The following MAPK8 variants were observed in gnomAD, a reference collection of about 807,000 sequenced individuals.
The protein encoded by MAPK8 is JUN N-terminal kinase.
A neutral mutation model predicts 52.9 loss-of-function variants in MAPK8; 13 were observed. That is an observed-to-expected ratio of 0.25 (90% confidence interval 0.16 to 0.39). The LOEUF (loss-of-function observed/expected upper bound fraction) is 0.39. Ranked by LOEUF, MAPK8 falls within the 10% of genes least tolerant of loss-of-function variation. The pLI is 1.00. For missense variants in MAPK8, 300 were observed against 519.2 expected, an observed-to-expected ratio of 0.58 and a Z score of 4.10; for synonymous variants, 191 against 169.8, an observed-to-expected ratio of 1.12 and a Z score of -0.97.
At chr10:48,358,115 C>T (rs1177593619) in intron 1 of MAPK8, among the ~76,000 whole-genome samples, 1 of 152,200 alleles carries the variant, frequency 6.6e-6, no homozygotes, top group East Asian at 1.9e-4. Context: ...AATAGTGCTG[C>T]TATGAACATG....
chr10:48,402,438 C>T (rs1021758383), intron 2 of MAPK8, among the ~76,000 whole-genome samples: 6 of 152,178 alleles, frequency 3.9e-5, no homozygotes, highest in Non-Finnish European at 7.3e-5. Context: ...TAATATCTCA[C>T]TGTGTGTGTT....
At chr10:48,417,421 T>C (rs540572470) in intron 5 of MAPK8, among the ~76,000 whole-genome samples, 4 of 152,258 alleles carry the variant, frequency 2.6e-5, no homozygotes, top group African/African-American at 9.6e-5. Context: ...CCTGAAAGGG[T>C]TTCATAATTA....
rs923041095 is a variant in MAPK8 at position 48,435,230 on chromosome 10, CTG to C, written c.*203_*204del. On this transcript the variant is annotated 3_prime_UTR_variant, in exon 12 of 12. Coordinates refer to ENST00000374189, the MANE Select transcript of MAPK8 (RefSeq NM_001323329.2). ...GTTGTGTTTCAAAACAGCAACAAAACTGTATTGTATTTTTTTTGCTGTAATTA... is the reference window on the plus strand; with the variant it reads ...GTTGTGTTTCAAAACAGCAACAAAACTATTGTATTTTTTTTGCTGTAATTA... 1.1e-5 allele frequency: 5 copies of C among 450,406 alleles called. No individual in the cohort carries two copies. The highest frequency in any genetic ancestry group is 4.0e-5 in the African/African-American group (2 of 49,692). 27.9% of individuals were successfully genotyped at this position (450,406 alleles called of 1,614,324 possible).
chr10:48,431,769 T>G (rs374816989), intron 11 of MAPK8, among the ~76,000 whole-genome samples: 3 of 152,132 alleles, frequency 2.0e-5, no homozygotes, highest in Admixed American at 1.3e-4. Flanking sequence ...GAGTTAAAAC[T>G]TTTTTTTATC....
rs540314806 is a variant in MAPK8 at position 48,377,133 on chromosome 10, G to A, written c.-49-24479G>A. Among the ~76,000 whole-genome samples the A allele has an allele frequency of 4.6e-5, 7 of 152,186 alleles. No homozygotes were observed. The South Asian group carries it at 6.2e-4, about 14-fold the overall frequency. On this transcript the variant is annotated intron_variant, in intron 1 of 11. Transcript: ENST00000374189. Reference sequence around the variant, plus strand: ...ACAAAAGAACAGAAAACCAAACACCGCATGTTGCCACTTCTAAGTGGGAGT... The same window carrying A: ...ACAAAAGAACAGAAAACCAAACACCACATGTTGCCACTTCTAAGTGGGAGT...
In MAPK8 at chr10:48,437,676, T is replaced by C. The variant is rs2044963627; in HGVS notation, c.*2647T>C. ...ATCTCAACTCTGTCATAGTGTTTGC[T>C]GAACAGTTTTCAGTGTCATGCACCT... On this transcript the variant is annotated 3_prime_UTR_variant, in exon 12 of 12. Coordinates refer to ENST00000374189, the MANE Select transcript of MAPK8 (RefSeq NM_001323329.2). 2 of 152,260 alleles carry C rather than the reference T, an allele frequency of 1.3e-5. No homozygotes were observed. Among genetic ancestry groups the C allele is most frequent in the South Asian group, 2.1e-4 (1 of 4,836 alleles). 9.4% of individuals were successfully genotyped at this position (152,260 alleles called of 1,614,324 possible). A position where few individuals can be genotyped will look rare whatever the true frequency, so the allele number is the denominator to read the frequency against.
intron 1 of MAPK8, among the ~76,000 whole-genome samples, chr10:48,382,664 T>C (rs999419967): frequency 6.6e-6 from 1 of 151,522 alleles, no homozygotes; most frequent in Admixed American, 6.6e-5. Flanking sequence ...AAAAGGCCAA[T>C]TCAATTTTAC....
intron 5 of MAPK8, among the ~76,000 whole-genome samples, chr10:48,411,450 C>G (rs1184208331): frequency 2.0e-5 from 3 of 152,232 alleles, no homozygotes; most frequent in Non-Finnish European, 4.4e-5. Context: ...TTTGGACTCT[C>G]AGTTCTGTTT....
Position 48,425,897 on chromosome 10 carries a change from A to T in MAPK8, c.698A>T (p.Gln233Leu). The change falls in exon 8 of 12, where the codon CAG becomes CTG. Residue 233 changes from glutamine to leucine, a missense_variant. By Grantham distance (113) the Gln-to-Leu change is moderately radical. Coordinates refer to ENST00000374189, the MANE Select transcript of MAPK8 (RefSeq NM_001323329.2). ...ILFPGRDYIDQWNKVIEQLGT... is the reference protein window; with the variant it reads ...ILFPGRDYIDLWNKVIEQLGT... ...AGCTACTTGATATTAGATATTGATC[A>T]GTGGAATAAAGTTATTGAACAGCTT... 1 of 1,597,294 alleles carries T rather than the reference A, an allele frequency of 6.3e-7. No individual in the cohort carries two copies. Among genetic ancestry groups the T allele is most frequent in the Non-Finnish European group, 8.5e-7 (1 of 1,170,164 alleles).
chr10:48,322,549 C>T (rs1362661030), intron 1 of MAPK8, among the ~76,000 whole-genome samples: 1 of 152,120 alleles, frequency 6.6e-6, no homozygotes, highest in African/African-American at 2.4e-5. Context: ...TCTACGAAGG[C>T]TGGTCTATTT....
At chr10:48,324,503 G>GTTTTTTTTTTTTTGGTTTTTTT (rs529248037) in intron 1 of MAPK8, among the ~76,000 whole-genome samples, 1 of 118,020 alleles carries the variant, frequency 8.5e-6, no homozygotes, top group Non-Finnish European at 1.7e-5. Flanking sequence ...CTGTTTTCTA[G>GTTTTTTTTTTTTTGGTTTTTTT]TTTTTTTTTT....
chr10:48,416,778 C>T (rs896681945), intron 5 of MAPK8, among the ~76,000 whole-genome samples: 1 of 152,140 alleles, frequency 6.6e-6, no homozygotes, highest in Non-Finnish European at 1.5e-5. Flanking sequence ...GGGGAATATT[C>T]CTAATCAGTC....
intron 1 of MAPK8, among the ~76,000 whole-genome samples, chr10:48,375,713 A>G (rs1235133518): frequency 6.6e-6 from 1 of 152,224 alleles, no homozygotes; most frequent in East Asian, 1.9e-4. Context: ...GGAGAACTAC[A>G]AAACATTGCT....
intron 3 of MAPK8, among the ~76,000 whole-genome samples, chr10:48,408,604 ATTTG>A (rs1205339391): frequency 1.3e-5 from 2 of 152,202 alleles, no homozygotes; most frequent in Non-Finnish European, 2.9e-5. Context: ...TTCAGAATAT[ATTTG>A]TTGGCTTTAA....
chr10:48,352,005 A>T (rs1303145603), intron 1 of MAPK8, among the ~76,000 whole-genome samples: 1 of 152,206 alleles, frequency 6.6e-6, no homozygotes, highest in Non-Finnish European at 1.5e-5. Flanking sequence ...CATGAAAAGG[A>T]TACTATTTTT....
intron 1 of MAPK8, among the ~76,000 whole-genome samples, chr10:48,365,996 G>T (rs981135336): frequency 2.0e-5 from 3 of 152,040 alleles, no homozygotes; most frequent in Admixed American, 6.5e-5. Context: ...GAATGTACTT[G>T]ATCAGTAAAG....
chr10:48,352,849 T>G (rs1846469551), intron 1 of MAPK8, among the ~76,000 whole-genome samples: 1 of 152,196 alleles, frequency 6.6e-6, no homozygotes. Flanking sequence ...GACGTGATCA[T>G]CTGTTTAGAA....
intron 3 of MAPK8, among the ~76,000 whole-genome samples, chr10:48,408,662 A>G (rs1395276330): frequency 2.0e-5 from 3 of 152,202 alleles, no homozygotes; most frequent in South Asian, 4.1e-4. Flanking sequence ...TTCTTTTACC[A>G]TATTATAGGC....
In MAPK8 at chr10:48,434,972, C is replaced by A; in HGVS notation, c.1227C>A (p.Ala409=). 6.2e-7 allele frequency: 1 copy of A among 1,603,120 alleles called. No individual in the cohort carries two copies. The highest frequency in any genetic ancestry group is 8.5e-7 in the Non-Finnish European group (1 of 1,173,776). The change falls in exon 12 of 12, where the codon GCC becomes GCA. Residue 409 remains alanine (A), a synonymous_variant. Coordinates refer to ENST00000374189, the MANE Select transcript of MAPK8 (RefSeq NM_001323329.2). The part of the protein sequence containing the change: ...VSSMSTDPTL[A]SDTDSSLEAA... ...CAATGTCAACAGATCCGACTTTGGC[C>A]TCTGATACAGACAGCAGTCTAGAAG...
Sources: allele counts gnomAD v4.1 joint callset (sites outside exome capture counted in the v4.1 genomes callset), GRCh38; gene constraint gnomAD v4.1.1; transcripts MANE v1.5; gene names NCBI Gene and HGNC (gene_info 2026-07-23, HGNC 2026-07-21).